Variants in NHSL2 observed in about 807,000 individuals in gnomAD.
NHSL2 encodes NHS-like protein 2.
NHSL2 carries 27 observed loss-of-function variants against 53.4 expected under a neutral mutation model. The ratio of observed to expected loss-of-function variants is 0.51; its 90% confidence interval spans 0.37 to 0.70. NHSL2 has a LOEUF of 0.70. Among genes scored for constraint, NHSL2 ranks in the 30% least tolerant of loss-of-function variants. The pLI is 0.00. For synonymous variants in NHSL2, 408 were observed against 404.1 expected, an observed-to-expected ratio of 1.01 and a Z score of -0.12; for missense variants, 892 against 980.1, an observed-to-expected ratio of 0.91 and a Z score of 1.20.
At chrX:72,111,911 C>A (rs1415506446) in intron 1 of NHSL2, among the ~76,000 whole-genome samples, 1 of 110,947 alleles carries the variant, frequency 9.0e-6, no homozygotes, top group Non-Finnish European at 1.9e-5. Flanking sequence ...AACCACTTAC[C>A]AAGAAAAGCT....
At chrX:71,912,032 A>G (rs951585219) in intron 1 of NHSL2, among the ~76,000 whole-genome samples, 1 of 111,986 alleles carries the variant, frequency 8.9e-6, no homozygotes, top group Non-Finnish European at 1.9e-5. Context: ...CTGACCCCCT[A>G]CCCACTACCG....
At chrX:72,131,763 G>A in intron 1 of NHSL2, 1 of 259,549 alleles carries the variant, frequency 3.9e-6, no homozygotes, top group Non-Finnish European at 6.6e-6. Flanking sequence ...CCTCGTCGCC[G>A]GGGCCGGAGA....
intron 1 of NHSL2, among the ~76,000 whole-genome samples, chrX:72,085,355 T>C (rs2041829589): frequency 8.9e-6 from 1 of 112,748 alleles, no homozygotes; most frequent in Non-Finnish European, 1.9e-5. Context: ...TTTTTACCTT[T>C]ATTTTCTTAA....
intron 1 of NHSL2, among the ~76,000 whole-genome samples, chrX:72,022,162 T>G (rs944892328): frequency 1.8e-5 from 2 of 112,086 alleles, no homozygotes; most frequent in Non-Finnish European, 3.8e-5. Context: ...CTTAGAGCCT[T>G]GAGCTAGGAG....
chrX:72,056,908 G>T (rs1371648626), intron 1 of NHSL2, among the ~76,000 whole-genome samples: 1 of 112,373 alleles, frequency 8.9e-6, no homozygotes, highest in African/African-American at 3.2e-5. Context: ...ACTTTTAGAC[G>T]ATGATATCAT....
intron 1 of NHSL2, among the ~76,000 whole-genome samples, chrX:72,122,233 T>C (rs2042187491): frequency 8.9e-6 from 1 of 112,167 alleles, no homozygotes; most frequent in African/African-American, 3.3e-5. Flanking sequence ...ATCTTGGAAC[T>C]CTCCTGCTCC....
intron 1 of NHSL2, among the ~76,000 whole-genome samples, chrX:72,059,514 T>G (rs749776284): frequency 7.0e-4 from 79 of 112,448 alleles, no homozygotes; most frequent in Non-Finnish European, 1.3e-3. Flanking sequence ...CGAGAAACCC[T>G]CATACCTTTA....
intron 1 of NHSL2, among the ~76,000 whole-genome samples, chrX:72,062,291 C>G (rs1339952709): frequency 8.9e-6 from 1 of 112,333 alleles, no homozygotes; most frequent in East Asian, 2.8e-4. Flanking sequence ...ATTAGAATTT[C>G]TATTAACAGT....
chrX:71,973,862 C>T (rs1282428256), intron 1 of NHSL2, among the ~76,000 whole-genome samples: 2 of 111,246 alleles, frequency 1.8e-5, no homozygotes, highest in Non-Finnish European at 3.8e-5. Flanking sequence ...AGAGATGAGA[C>T]ATGCTCCTGG....
intron 1 of NHSL2, among the ~76,000 whole-genome samples, chrX:71,972,860 T>C (rs2041931453): frequency 1.4e-5 from 1 of 73,301 alleles, no homozygotes; most frequent in Admixed American, 1.9e-4. Flanking sequence ...TTGCCTATCT[T>C]TATTGTTGTG....
Position 71,966,838 on chromosome X carries a change from A to G in NHSL2, c.280+55471A>G, listed in dbSNP as rs138229115. Among the ~76,000 whole-genome samples, 241 of 111,974 alleles carry G rather than the reference A, an allele frequency of 2.2e-3. 1 individual carries two copies. Among genetic ancestry groups the G allele is most frequent in the African/African-American group, 7.5e-3 (233 of 30,916 alleles). ...GTTAGGAAGTGTTCCTTCTGCTTCT[A>G]TCTTCTAAACCAGATTGTAGAGAAT... On this transcript the variant is annotated intron_variant, in intron 1 of 7. Coordinates refer to ENST00000633930, the MANE Select transcript of NHSL2 (RefSeq NM_001013627.3).
intron 1 of NHSL2, among the ~76,000 whole-genome samples, chrX:72,032,286 G>A (rs958388335): frequency 9.0e-6 from 1 of 111,036 alleles, no homozygotes; most frequent in East Asian, 2.8e-4. Context: ...CCAGCTATTC[G>A]GGAGGCTAAG....
At position 72,119,821 on chromosome X, in the gene NHSL2, T is replaced by C. The variant is rs771966665; in HGVS notation, c.281-12258T>C. 2.7e-5 allele frequency among the ~76,000 whole-genome samples: 3 copies of C among 112,261 alleles called. No individual in the cohort carries two copies. In the South Asian group the frequency reaches 1.1e-3, roughly 41 times the overall value. On this transcript the variant is annotated intron_variant, in intron 1 of 7. Transcript: ENST00000633930. ...AGGGAAAGTGGATACCCTTGTCTTGTTCCTGATCTTAGGGGAAAAGCATCC... is the reference window on the plus strand; with the variant it reads ...AGGGAAAGTGGATACCCTTGTCTTGCTCCTGATCTTAGGGGAAAAGCATCC...
At chrX:71,919,903 T>A (rs1391231090) in intron 1 of NHSL2, among the ~76,000 whole-genome samples, 3 of 112,897 alleles carry the variant, frequency 2.7e-5, no homozygotes, top group African/African-American at 9.6e-5. Context: ...AGAGCTCTTG[T>A]CCAAGTGTCT....
intron 1 of NHSL2, among the ~76,000 whole-genome samples, chrX:72,045,339 C>T (rs1237023174): frequency 8.9e-6 from 1 of 112,265 alleles, no homozygotes; most frequent in East Asian, 2.8e-4. Flanking sequence ...TGGCAGGAGC[C>T]AGACAGACCA....
chrX:72,107,575 G>A (rs2042055914), intron 1 of NHSL2, among the ~76,000 whole-genome samples: 1 of 112,053 alleles, frequency 8.9e-6, no homozygotes, highest in African/African-American at 3.2e-5. Flanking sequence ...CTGCTCTGCT[G>A]TCTCCTCTGC....
At chrX:72,045,259 GGTGAAATA>G (rs1332364438) in intron 1 of NHSL2, among the ~76,000 whole-genome samples, 1 of 112,366 alleles carries the variant, frequency 8.9e-6, no homozygotes, top group South Asian at 3.7e-4. Flanking sequence ...AGGGGAGCAG[GGTGAAATA>G]GCAGTCCTGG....
At chrX:71,974,031 C>G (rs2041937787) in intron 1 of NHSL2, among the ~76,000 whole-genome samples, 1 of 112,001 alleles carries the variant, frequency 8.9e-6, no homozygotes, top group Non-Finnish European at 1.9e-5. Context: ...CTGTTCTTAC[C>G]AATATTTAGT....
intron 1 of NHSL2, chrX:72,069,631 A>G (rs1602344915): frequency 1.1e-6 from 1 of 882,865 alleles, no homozygotes; most frequent in Non-Finnish European, 1.4e-6. Context: ...AGGAGGAGAA[A>G]GAGGAGGAGG....
Sources: allele counts gnomAD v4.1 joint callset (sites outside exome capture counted in the v4.1 genomes callset), GRCh38; gene constraint gnomAD v4.1.1; transcripts MANE v1.5; gene names NCBI Gene and HGNC (gene_info 2026-07-23, HGNC 2026-07-21).